ITM2B: variants seen among roughly 807,000 people sequenced by gnomAD.
The protein encoded by ITM2B is integral membrane protein 2B.
Under a neutral mutation model 27.8 loss-of-function variants are expected in ITM2B, and 11 were observed. The ratio of observed to expected loss-of-function variants is 0.40; its 90% CI spans 0.25 to 0.66. The LOEUF is 0.66. Ranked by LOEUF, ITM2B falls within the 30% of genes least tolerant of loss-of-function variation. The pLI is 0.43. For missense variants in ITM2B, 296 were observed against 328.9 expected (o/e 0.90, Z 0.77); for synonymous variants, 114 against 114.3 (o/e 1.00, Z 0.02).
chr13:48,258,189 A>G lies in ITM2B; in HGVS notation c.517A>G (p.Ile173Val). ...KCYVIPLNTS[I>V]VMPPRNLLEL... ...CTATGTGATCCCTCTGAACACTTCC[A>G]TTGTTATGCCACCCAGAAACCTACT... The change falls in exon 4 of 6, where the codon ATT becomes GTT. Residue 173 changes from isoleucine (I) to valine (V), a missense_variant. Physicochemically the swap from Ile to Val is conservative, Grantham distance 29. Coordinates refer to ENST00000647800, the MANE Select transcript of ITM2B (RefSeq NM_021999.5). 6.2e-6 allele frequency: 10 copies of G among 1,604,858 alleles called. No homozygotes were observed. Among genetic ancestry groups the G allele is most frequent in the Non-Finnish European group, 8.5e-6 (10 of 1,171,736 alleles).
intron 1 of ITM2B, among the ~76,000 whole-genome samples, chr13:48,252,854 G>A (rs774448914): frequency 3.3e-5 from 5 of 152,074 alleles, no homozygotes; most frequent in Non-Finnish European, 7.4e-5. Flanking sequence ...ACTTATTTAA[G>A]TATCTTTGTT....
chr13:48,233,394 CAGAAGGAGGCCA>C lies in ITM2B; in HGVS notation c.42_53del (p.Glu14_Lys17del). ...GGTGACGTTCAACTCCGCTCTGGCCCAGAAGGAGGCCAAGAAGGACGAGCCCAAGAGCGGCGA... is the reference window on the plus strand; with the variant it reads ...GGTGACGTTCAACTCCGCTCTGGCCCAGAAGGACGAGCCCAAGAGCGGCGA... On this transcript the variant is annotated inframe_deletion, in exon 1 of 6. Transcript: ENST00000647800. 2 of 1,565,056 alleles carry C rather than the reference CAGAAGGAGGCCA, an allele frequency of 1.3e-6. No individual in the cohort carries two copies. Among genetic ancestry groups the C allele is most frequent in the South Asian group, 1.2e-5 (1 of 84,796 alleles).
chr13:48,253,620 A>G (rs906179347), intron 1 of ITM2B, among the ~76,000 whole-genome samples, 188 bp from the exon 2 acceptor site: 4 of 152,168 alleles, frequency 2.6e-5, no homozygotes, highest in Non-Finnish European at 4.4e-5. Context: ...TCCCAGTCCA[A>G]GAACCATTAA....
At chr13:48,235,833 C>G (rs1428728571) in intron 1 of ITM2B, among the ~76,000 whole-genome samples, 1 of 152,210 alleles carries the variant, frequency 6.6e-6, no homozygotes, top group Non-Finnish European at 1.5e-5. Context: ...TTAACCCTCC[C>G]AGATCACAAT....
In ITM2B at chr13:48,262,957, G is replaced by GT. The variant is rs1176253309; in HGVS notation, c.*1736dup. ...TTTGCATTTTGGAAGGAGCTTATTA[G>GT]TTTGTTTTCCTGTTGATTATAGTAG... On this transcript the variant is annotated 3_prime_UTR_variant, in exon 6 of 6. Coordinates refer to ENST00000647800, the MANE Select transcript of ITM2B (RefSeq NM_021999.5). The GT allele has an allele frequency of 6.6e-6, 1 of 152,114 alleles. No homozygotes were observed. The highest frequency in any genetic ancestry group is 1.5e-5 in the Non-Finnish European group (1 of 68,022). The allele number at this position is 152,114 out of a possible 1,614,324, so 9.4% of individuals were successfully genotyped here. A position where few individuals can be genotyped will look rare whatever the true frequency, so the allele number is the denominator to read the frequency against.
intron 1 of ITM2B, among the ~76,000 whole-genome samples, chr13:48,239,723 G>A (rs1951688930): frequency 6.6e-6 from 1 of 152,154 alleles, no homozygotes; most frequent in Admixed American, 6.5e-5. Flanking sequence ...CTAAAAATCA[G>A]TACTATTTTA....
intron 1 of ITM2B, among the ~76,000 whole-genome samples, chr13:48,248,645 C>T (rs1951736578): frequency 6.6e-6 from 1 of 152,050 alleles, no homozygotes; most frequent in African/African-American, 2.4e-5. Context: ...TCCTGGGCCA[C>T]ATTGGAAGAA....
intron 2 of ITM2B, among the ~76,000 whole-genome samples, chr13:48,255,296 G>C (rs1951780179): frequency 6.6e-6 from 1 of 151,992 alleles, no homozygotes. Context: ...TGTACTGTGT[G>C]TTTGGCTTTT....
chr13:48,261,020 GT>G, intron 5 of ITM2B, 118 bp from the exon 6 acceptor site: 1 of 709,202 alleles, frequency 1.4e-6, no homozygotes. Context: ...AACTGTAGAA[GT>G]TTTTGTGGAA....
chr13:48,245,323 CAA>C (rs751736059), intron 1 of ITM2B, among the ~76,000 whole-genome samples: 2 of 95,412 alleles, frequency 2.1e-5, no homozygotes, highest in African/African-American at 3.7e-5. Flanking sequence ...GACTCCGTCT[CAA>C]AAAAAAAAAA....
In ITM2B at chr13:48,262,867, T is replaced by C. The variant is rs969546268; in HGVS notation, c.*1643T>C. ...ATGTGAAGTGCATGGGATTAGGTCA[T>C]GGAAGAAGACCATGTATGTCATCTT... is the stretch of plus-strand genomic sequence containing the variant. On this transcript the variant is annotated 3_prime_UTR_variant, in exon 6 of 6. Transcript: ENST00000647800. The C allele has an allele frequency of 2.0e-5, 3 of 152,192 alleles. No individual in the cohort carries two copies. Among genetic ancestry groups the C allele is most frequent in the African/African-American group, 7.2e-5 (3 of 41,452 alleles). The allele number at this position is 152,192 out of a possible 1,614,324, so 9.4% of individuals were successfully genotyped here.
At position 48,265,739 on chromosome 13, in the gene ITM2B, C is replaced by G. The variant is rs1951848773; in HGVS notation, c.*4515C>G. On this transcript the variant is annotated 3_prime_UTR_variant, in exon 6 of 6. Coordinates refer to ENST00000647800, the MANE Select transcript of ITM2B (RefSeq NM_021999.5). ...CTTACTTCCTGAAGATTATTTCCAT[C>G]TCCTCACCCGACACCCTTCAGTTAG... The G allele has an allele frequency of 6.6e-6, 1 of 152,232 alleles. No individual in the cohort carries two copies. Among genetic ancestry groups the G allele is most frequent in the South Asian group, 2.1e-4 (1 of 4,828 alleles). The allele number at this position is 152,232 out of a possible 1,614,324, so 9.4% of individuals were successfully genotyped here.
At chr13:48,236,589 C>A (rs1951669978) in intron 1 of ITM2B, among the ~76,000 whole-genome samples, 1 of 152,194 alleles carries the variant, frequency 6.6e-6, no homozygotes, top group Non-Finnish European at 1.5e-5. Flanking sequence ...CTCACTCTAA[C>A]CAGACTATTC....
chr13:48,259,927 G>A (rs912628645), intron 5 of ITM2B, among the ~76,000 whole-genome samples: 3 of 151,980 alleles, frequency 2.0e-5, no homozygotes. Flanking sequence ...GTATACAGGT[G>A]CCATGGTGGT....
At position 48,270,148 on chromosome 13, in the gene ITM2B, C is replaced by G. The variant is rs1219603732; in HGVS notation, c.*8924C>G. The G allele has an allele frequency of 6.6e-6, 1 of 152,188 alleles. No homozygotes were observed. The highest frequency in any genetic ancestry group is 1.5e-5 in the Non-Finnish European group (1 of 68,024). The allele number at this position is 152,188 out of a possible 1,614,324, so 9.4% of individuals were successfully genotyped here. On this transcript the variant is annotated 3_prime_UTR_variant, in exon 6 of 6. Coordinates refer to ENST00000647800, the MANE Select transcript of ITM2B (RefSeq NM_021999.5). ...GCAATATGGTCATTGGTCAAGAAGG[C>G]TTATGCCCAGGTATCCCTGTGGCTA... is the stretch of plus-strand genomic sequence containing the variant.
chr13:48,246,645 C>T (rs1253149876), intron 1 of ITM2B, among the ~76,000 whole-genome samples: 3 of 152,044 alleles, frequency 2.0e-5, no homozygotes, highest in Non-Finnish European at 4.4e-5. Context: ...GAACTCAAAA[C>T]CCTTTATATG....
At chr13:48,235,221 A>G (rs1259587539) in intron 1 of ITM2B, among the ~76,000 whole-genome samples, 1 of 152,200 alleles carries the variant, frequency 6.6e-6, no homozygotes, top group Non-Finnish European at 1.5e-5. Context: ...AATTTTTGTC[A>G]TTTCTGAAAT....
intron 1 of ITM2B, among the ~76,000 whole-genome samples, chr13:48,236,763 A>G (rs944993611): frequency 6.6e-6 from 1 of 152,176 alleles, no homozygotes; most frequent in African/African-American, 2.4e-5. Flanking sequence ...CTTTGTTGCA[A>G]TGCCTGCTTA....
chr13:48,255,617 T>C (rs569388681), intron 2 of ITM2B, among the ~76,000 whole-genome samples: 1 of 152,330 alleles, frequency 6.6e-6, no homozygotes, highest in African/African-American at 2.4e-5. Flanking sequence ...TACTGTTTTT[T>C]CTTTTTGTAA....
Sources: gnomAD v4.1 joint callset for allele counts (sites outside exome capture counted in the v4.1 genomes callset) on GRCh38, gnomAD v4.1.1 for gene constraint, MANE v1.5 for transcripts, NCBI Gene and HGNC (gene_info 2026-07-23, HGNC 2026-07-21) for gene names.